Variants in MNAT1 observed in about 807,000 individuals in gnomAD.
MNAT1 encodes CDK-activating kinase assembly factor MAT1.
Under a neutral mutation model 42.0 loss-of-function variants are expected in MNAT1, and 43 were observed. The observed-to-expected ratio is 1.02, with a 90% confidence interval of 0.80 to 1.32. MNAT1 has a LOEUF of 1.32. Among genes scored for constraint, MNAT1 ranks in the 40% most tolerant of loss-of-function variants. The pLI is 0.00. For missense variants in MNAT1, 306 were observed against 350.4 expected (o/e 0.87, Z 1.01); for synonymous variants, 118 against 120.0 (o/e 0.98, Z 0.11).
At chr14:60,836,923 C>T (rs1331873806) in intron 6 of MNAT1, among the ~76,000 whole-genome samples, 3 of 152,184 alleles carry the variant, frequency 2.0e-5, no homozygotes, top group Non-Finnish European at 4.4e-5. Context: ...GCCTTTCTTT[C>T]AGAGATACCC....
intron 7 of MNAT1, among the ~76,000 whole-genome samples, chr14:60,891,071 A>G (rs1313315303): frequency 6.6e-6 from 1 of 152,186 alleles, no homozygotes. Flanking sequence ...CAGTTTGCTC[A>G]TAGTTCTCTC....
At chr14:60,918,735 A>AATATATATATATATATATATATAT in intron 7 of MNAT1, among the ~76,000 whole-genome samples, 1 of 18,458 alleles carries the variant, frequency 5.4e-5, no homozygotes. Flanking sequence ...TCCAGATGAG[A>AATATATATATATATATATATATAT]ATATATATAT....
intron 6 of MNAT1, among the ~76,000 whole-genome samples, chr14:60,871,748 G>A (rs1007348212): frequency 1.9e-4 from 29 of 151,696 alleles, no homozygotes; most frequent in Admixed American, 4.6e-4. Flanking sequence ...TCAGCCTCCC[G>A]AGTAGCTGGG....
At chr14:60,875,205 C>T (rs1301625004) in intron 6 of MNAT1, among the ~76,000 whole-genome samples, 1 of 151,956 alleles carries the variant, frequency 6.6e-6, no homozygotes, top group Non-Finnish European at 1.5e-5. Context: ...GTTTAAACCA[C>T]CTAGGATTTA....
intron 7 of MNAT1, among the ~76,000 whole-genome samples, chr14:60,889,928 A>G (rs1303062358): frequency 5.3e-5 from 8 of 152,172 alleles, no homozygotes; most frequent in South Asian, 2.1e-4. Flanking sequence ...TTAGAATGGC[A>G]ATCATTAAAA....
At chr14:60,874,185 G>A (rs181596615) in intron 6 of MNAT1, among the ~76,000 whole-genome samples, 10 of 152,198 alleles carry the variant, frequency 6.6e-5, no homozygotes, top group African/African-American at 2.4e-4. Flanking sequence ...GTAATATGCT[G>A]GAGATAAAAC....
intron 6 of MNAT1, among the ~76,000 whole-genome samples, chr14:60,835,488 C>T (rs1408615249): frequency 3.3e-5 from 5 of 152,150 alleles, no homozygotes; most frequent in Non-Finnish European, 7.3e-5. Flanking sequence ...TTTATTTCCT[C>T]TTTGCTTATG....
intron 7 of MNAT1, among the ~76,000 whole-genome samples, chr14:60,887,394 C>G (rs1391300262): frequency 2.6e-5 from 3 of 115,334 alleles, no homozygotes; most frequent in Non-Finnish European, 5.3e-5. Flanking sequence ...CCCCCCTCCC[C>G]CCACCCCACA....
intron 6 of MNAT1, among the ~76,000 whole-genome samples, chr14:60,854,435 G>T (rs1439721890): frequency 6.6e-6 from 1 of 152,204 alleles, no homozygotes; most frequent in Non-Finnish European, 1.5e-5. Flanking sequence ...CATCGTCGTG[G>T]ATTTATCTAC....
rs1314901204 is a variant in MNAT1, at chr14:60,879,784, T to C, written c.758T>C (p.Ile253Thr). The C allele has an allele frequency of 6.2e-7, 1 of 1,613,320 alleles. No homozygotes were observed. Among genetic ancestry groups the C allele is most frequent in the Non-Finnish European group, 8.5e-7 (1 of 1,179,460 alleles). Residue 253 changes from isoleucine (I) to threonine (T), a missense_variant, in exon 7 of 8, where the codon ATA (isoleucine) becomes ACA (threonine). Coordinates refer to ENST00000261245, the MANE Select transcript of MNAT1 (RefSeq NM_002431.4). ...CTGTATGAATACCAGCCACTGCAGA[T>C]AGAGACATATGGACCACATGTTCCT... ...EALYEYQPLQ[I>T]ETYGPHVPEL...
chr14:60,746,967 CACACACA>C, intron 1 of MNAT1, among the ~76,000 whole-genome samples: 1 of 43,818 alleles, frequency 2.3e-5, no homozygotes, highest in Admixed American at 2.8e-4. Context: ...CACACACACA[CACACACA>C]CACAAAATTA....
At chr14:60,800,306 T>C (rs527452401) in intron 3 of MNAT1, among the ~76,000 whole-genome samples, 1 of 152,152 alleles carries the variant, frequency 6.6e-6, no homozygotes, top group Non-Finnish European at 1.5e-5. Flanking sequence ...CACAGCACTT[T>C]GGGAGGCCAA....
At chr14:60,800,397 A>T (rs1409659494) in intron 3 of MNAT1, among the ~76,000 whole-genome samples, 1 of 152,140 alleles carries the variant, frequency 6.6e-6, no homozygotes, top group Admixed American at 6.6e-5. Flanking sequence ...TTTAAAAAGT[A>T]GCTGGGTGTA....
chr14:60,815,098 A>C (rs2032669162), intron 5 of MNAT1, among the ~76,000 whole-genome samples: 2 of 152,184 alleles, frequency 1.3e-5, no homozygotes, highest in Non-Finnish European at 2.9e-5. Context: ...TTAATCCCAA[A>C]TATAGAACTT....
chr14:60,892,119 G>C (rs1218063270), intron 7 of MNAT1, among the ~76,000 whole-genome samples: 1 of 152,064 alleles, frequency 6.6e-6, no homozygotes, highest in African/African-American at 2.4e-5. Flanking sequence ...AATGTGTAGT[G>C]TATTTTCTTG....
At chr14:60,895,237 C>G (rs1179849674) in intron 7 of MNAT1, among the ~76,000 whole-genome samples, 1 of 152,166 alleles carries the variant, frequency 6.6e-6, no homozygotes, top group Non-Finnish European at 1.5e-5. Flanking sequence ...CTGAAGCTAT[C>G]TGCTTTCTTA....
rs71114155 is a variant in MNAT1 at position 60,784,179 on chromosome 14, A to ATTTTTTTTTTTT, written c.90-12025_90-12014dup. Among the ~76,000 whole-genome samples, 45 of 53,290 alleles carry ATTTTTTTTTTTT rather than the reference A, an allele frequency of 8.4e-4. 8 individuals are homozygous for ATTTTTTTTTTTT. Among genetic ancestry groups the ATTTTTTTTTTTT allele is most frequent in the African/African-American group, 3.2e-3 (42 of 13,100 alleles). The allele number at this position is 53,290 out of a possible 152,430, so 35.0% of individuals were successfully genotyped here. ...AGATACGTGCCACCATGCCTGGCTA[A>ATTTTTTTTTTTT]TTTTTTTTTTTTTTTTTTTTTTTTA... On this transcript the variant is annotated intron_variant, in intron 1 of 7. Coordinates refer to ENST00000261245, the MANE Select transcript of MNAT1 (RefSeq NM_002431.4).
intron 6 of MNAT1, among the ~76,000 whole-genome samples, chr14:60,866,945 G>A (rs1172827507): frequency 6.6e-6 from 1 of 151,940 alleles, no homozygotes; most frequent in Non-Finnish European, 1.5e-5. Context: ...ATTATTAAAG[G>A]ACATTTTTCT....
chr14:60,853,112 T>A (rs182009782), intron 6 of MNAT1, among the ~76,000 whole-genome samples: 36 of 152,306 alleles, frequency 2.4e-4, no homozygotes, highest in Admixed American at 1.3e-4. Flanking sequence ...GGGAATAGCA[T>A]TGACTCTATG....
Sources: allele counts gnomAD v4.1 joint callset (sites outside exome capture counted in the v4.1 genomes callset), GRCh38; gene constraint gnomAD v4.1.1; transcripts MANE v1.5; gene names NCBI Gene and HGNC (gene_info 2026-07-23, HGNC 2026-07-21).